HEATR6: variants seen among roughly 807,000 people sequenced by gnomAD.
The protein encoded by HEATR6 is HEAT repeat-containing protein 6.
In HEATR6, 106 loss-of-function variants were observed where a neutral mutation model predicts 132.8. The observed-to-expected ratio is 0.80, with a 90% CI of 0.68 to 0.94. The LOEUF is 0.94. Ranked by LOEUF, HEATR6 falls within the 40% of genes least tolerant of loss-of-function variation. The pLI is 0.00. For synonymous variants in HEATR6, 529 were observed against 537.8 expected (o/e 0.98, Z 0.23); for missense variants, 1,339 against 1,425.1 (o/e 0.94, Z 0.97).
intron 19 of HEATR6, 54 bp downstream of exon 19, chr17:60,045,971 T>A (rs868426797): frequency 8.0e-7 from 1 of 1,248,432 alleles, no homozygotes; most frequent in Non-Finnish European, 1.2e-6. Context: ...ACAACGTAGA[T>A]TGGTGTGTGT....
rs778645355 is a variant in HEATR6 at position 60,057,325 on chromosome 17, A to AGTTG, written c.1798_1801dup (p.Leu601ProfsTer14). 1.2e-6 allele frequency: 2 copies of AGTTG among 1,614,036 alleles called. No individual in the cohort carries two copies. The highest frequency in any genetic ancestry group is 2.7e-5 in the African/African-American group (2 of 74,920). On this transcript the variant is annotated frameshift_variant, in exon 12 of 20. Transcript: ENST00000184956. ...AGAAGAACATGGCTGTTGCAGAAGTAGTTGGACTTCAGGTAAAGGTGCGTG... is the reference window on the plus strand; with the variant it reads ...AGAAGAACATGGCTGTTGCAGAAGTAGTTGGTTGGACTTCAGGTAAAGGTGCGTG...
chr17:60,060,118 C>T, intron 9 of HEATR6, 22 bp from the exon 10 acceptor site: 1 of 1,563,738 alleles, frequency 6.4e-7, no homozygotes. Context: ...GGATGATTCA[C>T]ATTGATTAGT....
At chr17:60,062,299 C>T (rs989215272) in intron 9 of HEATR6, among the ~76,000 whole-genome samples, 1 of 152,190 alleles carries the variant, frequency 6.6e-6, no homozygotes, top group Non-Finnish European at 1.5e-5. Context: ...TGTAGCTCTT[C>T]AGAGAGCTCA....
intron 11 of HEATR6, among the ~76,000 whole-genome samples, chr17:60,058,021 T>C (rs954531023): frequency 5.3e-5 from 8 of 152,354 alleles, no homozygotes; most frequent in African/African-American, 1.7e-4. Flanking sequence ...TGTAGTTTTA[T>C]AGTAGATTTT....
At chr17:60,055,378 A>T (rs1474074431) in intron 14 of HEATR6, 137 bp downstream of exon 14, 1 of 551,828 alleles carries the variant, frequency 1.8e-6, no homozygotes, top group African/African-American at 1.9e-5. Context: ...TACTAGTTTC[A>T]TGTTTTCCTG....
intron 9 of HEATR6, among the ~76,000 whole-genome samples, chr17:60,061,653 C>T (rs73994283): frequency 0.075 from 11,447 of 152,286 alleles, 1,414 homozygotes; most frequent in African/African-American, 0.26. Flanking sequence ...ACGGACAATG[C>T]AATCTGAATT....
intron 15 of HEATR6, 150 bp from the exon 16 acceptor site, chr17:60,049,852 T>G (rs905532967): frequency 1.8e-5 from 14 of 787,184 alleles, no homozygotes; most frequent in Non-Finnish European, 2.4e-5. Context: ...AAAAAGCAGG[T>G]TCAATTCAGA....
chr17:60,062,138 A>G (rs2083215570), intron 9 of HEATR6, among the ~76,000 whole-genome samples: 1 of 152,196 alleles, frequency 6.6e-6, no homozygotes, highest in Admixed American at 6.5e-5. Context: ...TCTGTTTAAC[A>G]TATCTTTGTT....
chr17:60,076,919 A>G (rs1182863719), intron 1 of HEATR6, among the ~76,000 whole-genome samples: 1 of 148,418 alleles, frequency 6.7e-6, no homozygotes, highest in Non-Finnish European at 1.5e-5. Context: ...ACTTCTATGG[A>G]TTTTATGCAT....
chr17:60,041,443 T>A lies in HEATR6; in HGVS notation c.*2120A>T, dbSNP rs905405648. ...CAGTAATAAGCTGTCTATGCCATAT[T>A]TTTTTTTTCCTTTTTTGAAAATGCC... is the stretch of plus-strand genomic sequence containing the variant. On this transcript the variant is annotated 3_prime_UTR_variant, in exon 20 of 20. Transcript: ENST00000184956. 6.6e-6 allele frequency among the ~76,000 whole-genome samples: 1 copy of A among 151,450 alleles called. No homozygotes were observed. Among genetic ancestry groups the A allele is most frequent in the Admixed American group, 6.6e-5 (1 of 15,222 alleles).
At position 60,067,565 on chromosome 17, in the gene HEATR6, C is replaced by G. The variant is rs2083248532; in HGVS notation, c.1107G>C (p.Leu369Phe). Residue 369 changes from leucine (L) to phenylalanine (F), a missense_variant, in exon 8 of 20, where the codon TTG becomes TTC. Leu to Phe is a conservative substitution (Grantham distance 22). Coordinates refer to ENST00000184956, the MANE Select transcript of HEATR6 (RefSeq NM_022070.5). ...WCPSSLGVQS[L>F]PLDGSGAAEK... is the part of the protein sequence containing the mutation. ...CTGCAGCTCCACTTCCATCTAAAGG[C>G]AAACTCTGGACACCCAGGGAGGAGG... 2 of 1,613,530 alleles carry G rather than the reference C, an allele frequency of 1.2e-6. No individual in the cohort carries two copies. Among genetic ancestry groups the G allele is most frequent in the Non-Finnish European group, 1.7e-6 (2 of 1,179,854 alleles).
At chr17:60,053,705 T>C (rs1906655599) in intron 14 of HEATR6, among the ~76,000 whole-genome samples, 2 of 152,214 alleles carry the variant, frequency 1.3e-5, no homozygotes, top group South Asian at 4.1e-4. Context: ...TTGGCTGCAT[T>C]ATGCCCATGT....
intron 1 of HEATR6, among the ~76,000 whole-genome samples, chr17:60,078,220 C>T (rs1344357823): frequency 6.6e-6 from 1 of 152,130 alleles, no homozygotes; most frequent in African/African-American, 2.4e-5. Flanking sequence ...TGTGTAGGAA[C>T]AGAAAACATA....
At position 60,055,618 on chromosome 17, in the gene HEATR6, T is replaced by C. The variant is rs765762044; in HGVS notation, c.2203-17A>G. The C allele has an allele frequency of 3.1e-6, 5 of 1,587,958 alleles. No homozygotes were observed. The highest frequency in any genetic ancestry group is 4.3e-6 in the Non-Finnish European group (5 of 1,161,030). On this transcript the variant is annotated splice_polypyrimidine_tract_variant and intron_variant, in intron 13 of 19. Transcript: ENST00000184956. ...TTCCAGAAGCTGCCAAGAAAAAGAA[T>C]TACCGAAGTGGAGCATCAGAACTAA... is the stretch of plus-strand genomic sequence containing the variant.
intron 6 of HEATR6, 56 bp from the exon 7 acceptor site, chr17:60,069,904 T>C (rs1037068903): frequency 1.3e-6 from 2 of 1,589,812 alleles, no homozygotes; most frequent in African/African-American, 2.7e-5. Context: ...AAACCATTAA[T>C]CATAAACCAT....
chr17:60,068,784 C>A (rs2083255329), intron 7 of HEATR6, among the ~76,000 whole-genome samples: 1 of 152,062 alleles, frequency 6.6e-6, no homozygotes, highest in Non-Finnish European at 1.5e-5. Context: ...GCTACCACAC[C>A]TTTAAAAAGC....
intron 1 of HEATR6, among the ~76,000 whole-genome samples, chr17:60,076,944 TAA>T (rs61125649): frequency 0.015 from 1,780 of 122,264 alleles, 22 homozygotes; most frequent in African/African-American, 0.043. Flanking sequence ...AGGGAATTCT[TAA>T]AAAAAAAAAA....
At chr17:60,054,758 C>T (rs1475064117) in intron 14 of HEATR6, among the ~76,000 whole-genome samples, 1 of 152,182 alleles carries the variant, frequency 6.6e-6, no homozygotes, top group Non-Finnish European at 1.5e-5. Flanking sequence ...GTGGAAGGAA[C>T]TTGCCTTGAG....
chr17:60,044,909 G>C (rs920937283), intron 19 of HEATR6, among the ~76,000 whole-genome samples: 11 of 152,200 alleles, frequency 7.2e-5, no homozygotes, highest in Non-Finnish European at 1.3e-4. Flanking sequence ...CTCACAATCC[G>C]ACCCGTCAGA....
Sources: allele counts gnomAD v4.1 joint callset (sites outside exome capture counted in the v4.1 genomes callset), GRCh38; gene constraint gnomAD v4.1.1; transcripts MANE v1.5; gene names NCBI Gene and HGNC (gene_info 2026-07-23, HGNC 2026-07-21).